The following PGLS variants were observed in gnomAD, a reference collection of about 807,000 sequenced individuals.
The protein encoded by PGLS is 6-phosphogluconolactonase.
A neutral mutation model predicts 23.2 loss-of-function variants in PGLS; 21 were observed. That is an observed-to-expected ratio of 0.91 (90% CI 0.64 to 1.31). The LOEUF is 1.31. Among genes scored for constraint, PGLS ranks in the 50% most tolerant of loss-of-function variants. The probability of loss-of-function intolerance (pLI) is 0.00; values close to 1 mark genes in which losing one functional copy is unlikely to be tolerated. For synonymous variants in PGLS, 179 were observed against 165.4 expected, an observed-to-expected ratio of 1.08 and a Z score of -0.63; for missense variants, 410 against 354.0, an observed-to-expected ratio of 1.16 and a Z score of -1.27.
Position 17,517,693 on chromosome 19 carries a change from T to C in PGLS, c.499-17T>C. 2 of 1,613,810 alleles carry C rather than the reference T, an allele frequency of 1.2e-6. No homozygotes were observed. The highest frequency in any genetic ancestry group is 2.2e-5 in the South Asian group (2 of 91,084). On this transcript the variant is annotated splice_polypyrimidine_tract_variant and intron_variant, in intron 3 of 4. Transcript: ENST00000252603. ...GACATTGTCCTTCTGCCTCCATCCC[T>C]GGGCTTCCTCCCCAAGGAGCGGGAG... is the stretch of plus-strand genomic sequence containing the variant.
At chr19:17,519,211 G>C (rs2144646123) in intron 4 of PGLS, among the ~76,000 whole-genome samples, 2 of 151,272 alleles carry the variant, frequency 1.3e-5, no homozygotes, top group East Asian at 4.1e-4. Context: ...CTACTCAGGA[G>C]CCTGAGGCAG....
intron 2 of PGLS, 140 bp downstream of exon 2, chr19:17,516,420 GA>G (rs2075532858): frequency 1.4e-6 from 2 of 1,435,582 alleles, no homozygotes; most frequent in African/African-American, 2.8e-5. Context: ...TCCCCTCTTC[GA>G]GGCCACAGCC....
At chr19:17,516,322 A>G (rs1206174440) in intron 2 of PGLS, 42 bp downstream of exon 2, 2 of 1,583,780 alleles carry the variant, frequency 1.3e-6, no homozygotes, top group Non-Finnish European at 1.7e-6. Flanking sequence ...ACATCCACGA[A>G]GCGGCCACAC....
At chr19:17,518,518 T>C (rs80264796) in intron 4 of PGLS, 1 of 148,272 alleles carries the variant, frequency 6.7e-6, no homozygotes. Context: ...TATATTTTTA[T>C]TTTTTTTTTG....
chr19:17,520,105 A>C (rs1254770087), intron 4 of PGLS, among the ~76,000 whole-genome samples: 3 of 152,168 alleles, frequency 2.0e-5, no homozygotes, highest in Non-Finnish European at 4.4e-5. Context: ...GTGAGCCTTG[A>C]TGCCGTCACT....
intron 1 of PGLS, among the ~76,000 whole-genome samples, chr19:17,515,031 G>A (rs1034719887): frequency 6.6e-6 from 1 of 151,614 alleles, no homozygotes; most frequent in African/African-American, 2.4e-5. Flanking sequence ...TCAACCGATT[G>A]TCCCACCTCA....
Position 17,516,265 on chromosome 19 carries a change from C to G in PGLS, c.381C>G (p.Ala127=), listed in dbSNP as rs746112040. ...TGGAGGAGGCGGCTGAGGACTACGCCAAGAAGCTGAGACAGGTGAGCCCCG... is the reference window on the plus strand; with the variant it reads ...TGGAGGAGGCGGCTGAGGACTACGCGAAGAAGCTGAGACAGGTGAGCCCCG... ...LPVEEAAEDY[A]KKLRQAFQGD... Residue 127 remains alanine (A), a synonymous_variant, in exon 2 of 5, where the codon GCC becomes GCG. Transcript: ENST00000252603. 3.7e-6 allele frequency: 6 copies of G among 1,613,646 alleles called. No homozygotes were observed. The South Asian group carries it at 6.6e-5, about 18-fold the overall frequency.
chr19:17,518,833 G>A lies in PGLS; in HGVS notation c.639+983G>A, dbSNP rs541233663. On this transcript the variant is annotated intron_variant, in intron 4 of 4. Coordinates refer to ENST00000252603, the MANE Select transcript of PGLS (RefSeq NM_012088.3). ...GATATGAGTCACCGTGCCTAGCCTG[G>A]TTTTTACTTTTCTAAGTGGTTGGAA... Among the ~76,000 whole-genome samples, 24 of 152,128 alleles carry A rather than the reference G, an allele frequency of 1.6e-4. No individual in the cohort carries two copies. In the South Asian group the frequency reaches 5.0e-3, roughly 32 times the overall value.
At chr19:17,516,748 T>G (rs1442776788) in intron 2 of PGLS, among the ~76,000 whole-genome samples, 1 of 141,666 alleles carries the variant, frequency 7.1e-6, no homozygotes, top group African/African-American at 2.7e-5. Flanking sequence ...CCACGCCTGG[T>G]TAATTTTTTT....
intron 2 of PGLS, among the ~76,000 whole-genome samples, chr19:17,516,677 C>T (rs553009206): frequency 3.3e-5 from 5 of 152,094 alleles, no homozygotes; most frequent in South Asian, 2.1e-4. Context: ...CTCCGCCTCC[C>T]GGGTTCACAC....
intron 1 of PGLS, chr19:17,515,840 C>G (rs760662737): frequency 1.2e-5 from 3 of 250,314 alleles, no homozygotes; most frequent in Non-Finnish European, 2.5e-5. Context: ...TGCTGGCCCC[C>G]GCAGGAACCA....
At chr19:17,520,663 G>A (rs2075553293) in intron 4 of PGLS, 1 of 265,642 alleles carries the variant, frequency 3.8e-6, no homozygotes, top group African/African-American at 2.2e-5. Context: ...ACCGGGAGGC[G>A]GAGGTTGCCG....
At chr19:17,514,035 G>C (rs547698223) in intron 1 of PGLS, among the ~76,000 whole-genome samples, 1 of 150,344 alleles carries the variant, frequency 6.7e-6, no homozygotes, top group South Asian at 2.2e-4. Context: ...TCCTTCTGCC[G>C]GTTCTCTGTG....
At chr19:17,518,009 GAA>G (rs67260410) in intron 4 of PGLS, among the ~76,000 whole-genome samples, 159 bp downstream of exon 4, 74,566 of 136,032 alleles carry the variant, frequency 0.55, 19,283 homozygotes, top group Admixed American at 0.63. Flanking sequence ...AGAAAAAAAG[GAA>G]AAAAAAAAAA....
chr19:17,517,736 C>G lies in PGLS; in HGVS notation c.525C>G (p.Ile175Met). The change falls in exon 4 of 5, where the codon ATC becomes ATG. Residue 175 changes from isoleucine to methionine, a missense_variant. Physicochemically the swap from Ile to Met is conservative, Grantham distance 10. Transcript: ENST00000252603. ...LQEREKIVAP[I>M]SDSPKPPPQR... ...AGCGGGAGAAGATTGTGGCTCCCAT[C>G]AGTGACTCCCCGAAGCCACCGCCAC... The G allele has an allele frequency of 6.2e-7, 1 of 1,614,140 alleles. No homozygotes were observed. The highest frequency in any genetic ancestry group is 2.2e-5 in the East Asian group (1 of 44,882).
chr19:17,516,075 A>T, intron 1 of PGLS, 98 bp from the exon 2 acceptor site: 1 of 866,986 alleles, frequency 1.2e-6, no homozygotes, highest in Non-Finnish European at 1.9e-6. Flanking sequence ...CAGTCTCCCC[A>T]TCTGTAAATG....
Position 17,511,909 on chromosome 19 carries a change from C to G in PGLS, c.237C>G (p.Asp79Glu). The G allele has an allele frequency of 6.5e-7, 1 of 1,545,188 alleles. No individual in the cohort carries two copies. The highest frequency in any genetic ancestry group is 8.7e-7 in the Non-Finnish European group (1 of 1,146,572). ...CGCGCTGGACGCTGGGCTTCTGCGA[C>G]GAGCGCCTCGTGCCCTTCGATCACG... The part of the protein sequence containing the change: ...SLARWTLGFC[D>E]ERLVPFDHAE... The change falls in exon 1 of 5, where the codon GAC becomes GAG. Residue 79 changes from aspartate to glutamate, a missense_variant. Physicochemically the swap from Asp to Glu is conservative, Grantham distance 45. Transcript: ENST00000252603.
chr19:17,520,229 G>A (rs1821039345), intron 4 of PGLS, among the ~76,000 whole-genome samples: 1 of 152,004 alleles, frequency 6.6e-6, no homozygotes, highest in South Asian at 2.1e-4. Context: ...TGGCTAATAT[G>A]GTGAAACCCC....
chr19:17,513,554 C>T (rs1023445194), intron 1 of PGLS, among the ~76,000 whole-genome samples: 4 of 148,736 alleles, frequency 2.7e-5, no homozygotes, highest in Non-Finnish European at 4.4e-5. Flanking sequence ...CGTGGTGGCT[C>T]ATACCTGTAA....
Sources: allele counts gnomAD v4.1 joint callset (sites outside exome capture counted in the v4.1 genomes callset), GRCh38; gene constraint gnomAD v4.1.1; transcripts MANE v1.5; gene names NCBI Gene and HGNC (gene_info 2026-07-23, HGNC 2026-07-21).